DIPK1B: variants seen among roughly 807,000 people sequenced by gnomAD.
DIPK1B encodes the protein divergent protein kinase domain 1B.
In DIPK1B, 17 loss-of-function variants were observed where a neutral mutation model predicts 20.7. The observed-to-expected ratio is 0.82, with a 90% CI of 0.56 to 1.23. The LOEUF (loss-of-function observed/expected upper bound fraction) is 1.23. DIPK1B is among the 50% of genes most tolerant of loss of function. DIPK1B has a pLI of 0.00. For synonymous variants in DIPK1B, 343 were observed against 276.5 expected, an observed-to-expected ratio of 1.24 and a Z score of -2.39; for missense variants, 648 against 601.8, an observed-to-expected ratio of 1.08 and a Z score of -0.80.
chr9:136,717,518 G>T, intron 1 of DIPK1B, 59 bp from the exon 2 acceptor site: 1 of 1,565,066 alleles, frequency 6.4e-7, no homozygotes, highest in African/African-American at 1.3e-5. Context: ...GTGGGGTTGA[G>T]AGCACCCTGA....
At chr9:136,721,503 TA>T in intron 2 of DIPK1B, 1 of 187,944 alleles carries the variant, frequency 5.3e-6, no homozygotes, top group Non-Finnish European at 1.1e-5. Flanking sequence ...GTGTAGATAT[TA>T]GGGACTAGTG....
chr9:136,721,600 C>T (rs1846602273), intron 2 of DIPK1B: 3 of 326,260 alleles, frequency 9.2e-6, no homozygotes, highest in South Asian at 7.3e-5. Context: ...CTGCCTCTGG[C>T]CCTGGCGTGG....
rs773581565 is a variant in DIPK1B, at chr9:136,723,152, G to A, written c.674G>A (p.Cys225Tyr). 8.7e-6 allele frequency: 14 copies of A among 1,613,416 alleles called. No homozygotes were observed. Among genetic ancestry groups the A allele is most frequent in the East Asian group, 2.2e-5 (1 of 44,872 alleles). ...KEHASRLLGY[C>Y]GDLYLTEGVP... ...CACGCCTCCAGACTGCTGGGCTACT[G>A]TGGGGACCTCTACCTCACCGAGGGC... Residue 225 changes from cysteine (C) to tyrosine (Y), a missense_variant, in exon 5 of 5, where the codon TGT (cysteine) becomes TAT (tyrosine). Cys to Tyr is a radical substitution (Grantham distance 194, BLOSUM62 -2). Transcript: ENST00000371692.
At position 136,721,831 on chromosome 9, in the gene DIPK1B, G is replaced by A. The variant is rs1473793462; in HGVS notation, c.199-90G>A. Reference sequence around the variant, plus strand: ...CAGCTTTCCAACTGCAGCAAGTGGAGGCCCCTGCCAGCTTCGGGCCTGTGG... The same window carrying A: ...CAGCTTTCCAACTGCAGCAAGTGGAAGCCCCTGCCAGCTTCGGGCCTGTGG... On this transcript the variant is annotated intron_variant, in intron 2 of 4. Transcript: ENST00000371692. The A allele has an allele frequency of 7.8e-6, 9 of 1,154,384 alleles. No homozygotes were observed. In the East Asian group the frequency reaches 2.2e-4, roughly 28 times the overall value. 71.5% of individuals were successfully genotyped at this position (1,154,384 alleles called of 1,614,324 possible). A position where few individuals can be genotyped will look rare whatever the true frequency, so the allele number is the denominator to read the frequency against.
intron 1 of DIPK1B, among the ~76,000 whole-genome samples, chr9:136,715,968 C>T (rs1049159203): frequency 1.3e-5 from 2 of 152,210 alleles, no homozygotes; most frequent in Admixed American, 6.5e-5. Context: ...CTCCCAGTCC[C>T]TTCCCAGCCC....
rs796829804 is a variant in DIPK1B, at chr9:136,718,701, T to G, written c.198+990T>G. Among the ~76,000 whole-genome samples, 9 of 152,328 alleles carry G rather than the reference T, an allele frequency of 5.9e-5. No homozygotes were observed. The South Asian group carries it at 1.0e-3, about 18-fold the overall frequency. ...CCACTGTGGGTTGTCATAGGGTGAT[T>G]GGGTGCAGGGAGACCCCAGGTTCGG... On this transcript the variant is annotated intron_variant, in intron 2 of 4. Transcript: ENST00000371692.
intron 1 of DIPK1B, among the ~76,000 whole-genome samples, chr9:136,715,398 G>A (rs571263721): frequency 1.3e-5 from 2 of 152,320 alleles, no homozygotes; most frequent in South Asian, 2.1e-4. Context: ...TCCTCAGGCC[G>A]GTAGGGAAAC....
In DIPK1B at chr9:136,712,658, A is replaced by G. The variant is rs1846441032; in HGVS notation, c.-8A>G. ...GCGGGGCCCGCGCAGCCCCGGCCGG[A>G]GCCCACCATGCGGCGGCTGCGGCGC... On this transcript the variant is annotated 5_prime_UTR_variant, in exon 1 of 5. Coordinates refer to ENST00000371692, the MANE Select transcript of DIPK1B (RefSeq NM_152421.4). This position sits in a 1 kb window ranked among gnomAD's most constrained non-coding sequence, Gnocchi z 5.6. 2 of 1,263,648 alleles carry G rather than the reference A, an allele frequency of 1.6e-6. No homozygotes were observed. Among genetic ancestry groups the G allele is most frequent in the Non-Finnish European group, 2.0e-6 (2 of 1,003,666 alleles). The allele number at this position is 1,263,648 out of a possible 1,614,324, so 78.3% of individuals were successfully genotyped here. A position where few individuals can be genotyped will look rare whatever the true frequency, so the allele number is the denominator to read the frequency against.
At chr9:136,715,828 C>T (rs192050912) in intron 1 of DIPK1B, among the ~76,000 whole-genome samples, 60 of 152,150 alleles carry the variant, frequency 3.9e-4, no homozygotes, top group Admixed American at 1.1e-3. Context: ...TTTTTAACTG[C>T]GGTAAGATAC....
rs753132003 is a variant in DIPK1B at position 136,723,555 on chromosome 9, C to T, written c.1077C>T (p.Gly359=). The change falls in exon 5 of 5, where the codon GGC becomes GGT. Residue 359 remains glycine, a synonymous_variant. Coordinates refer to ENST00000371692, the MANE Select transcript of DIPK1B (RefSeq NM_152421.4). ...ACAGGCTCATGAGGCAGTGCAAGGG[C>T]GACCTCATCCAGCCCAACCTGGCCA... ...PCDRLMRQCK[G]DLIQPNLAKV... The T allele has an allele frequency of 1.1e-5, 17 of 1,597,370 alleles. No individual in the cohort carries two copies. Among genetic ancestry groups the T allele is most frequent in the Non-Finnish European group, 1.1e-5 (13 of 1,172,508 alleles).
chr9:136,722,252 G>A lies in DIPK1B; in HGVS notation c.434G>A (p.Arg145Gln), dbSNP rs758846037. The change falls in exon 4 of 5, where the codon CGG (arginine) becomes CAG (glutamine). Residue 145 changes from arginine (R) to glutamine (Q), a missense_variant. Coordinates refer to ENST00000371692, the MANE Select transcript of DIPK1B (RefSeq NM_152421.4). ...CTGGTACTGTTTGACAAGCCCACCCGGGGCACCTCCATCAAGGAATTCCGG... is the reference window on the plus strand; with the variant it reads ...CTGGTACTGTTTGACAAGCCCACCCAGGGCACCTCCATCAAGGAATTCCGG... ...RELVLFDKPT[R>Q]GTSIKEFREM... 1.7e-5 allele frequency: 27 copies of A among 1,613,712 alleles called. No homozygotes were observed. Among genetic ancestry groups the A allele is most frequent in the Middle Eastern group, 1.6e-4 (1 of 6,082 alleles).
chr9:136,722,389 C>T (rs1846621519), intron 4 of DIPK1B, 88 bp downstream of exon 4: 1 of 1,405,466 alleles, frequency 7.1e-7, no homozygotes. Flanking sequence ...ATGCCCAGCG[C>T]AAAGGCACAG....
At chr9:136,717,203 T>G (rs902486442) in intron 1 of DIPK1B, among the ~76,000 whole-genome samples, 4 of 150,648 alleles carry the variant, frequency 2.7e-5, no homozygotes, top group Non-Finnish European at 1.5e-5. Context: ...CACTCCAGCC[T>G]GGGCTACAGA....
chr9:136,715,058 G>A (rs916745846), intron 1 of DIPK1B, among the ~76,000 whole-genome samples: 10 of 152,262 alleles, frequency 6.6e-5, no homozygotes, highest in Admixed American at 3.9e-4. Context: ...GCAGGTGGGG[G>A]TGTGGCCAGG....
rs2131050681 is a variant in DIPK1B, at chr9:136,724,119, C to A, written c.*345C>A. 1 of 297,154 alleles carries A rather than the reference C, an allele frequency of 3.4e-6. No individual in the cohort carries two copies. The highest frequency in any genetic ancestry group is 1.0e-4 in the East Asian group (1 of 9,578). 18.4% of individuals were successfully genotyped at this position (297,154 alleles called of 1,614,324 possible). On this transcript the variant is annotated 3_prime_UTR_variant, in exon 5 of 5. Coordinates refer to ENST00000371692, the MANE Select transcript of DIPK1B (RefSeq NM_152421.4). ...CCGCTGTGGATCCACCCAGCCCAGG[C>A]ACTCAGGCTGGGGTTGAGCCCCTGA...
chr9:136,722,232 A>G lies in DIPK1B; in HGVS notation c.414A>G (p.Val138=). 1 of 1,613,920 alleles carries G rather than the reference A, an allele frequency of 6.2e-7. No individual in the cohort carries two copies. The highest frequency in any genetic ancestry group is 8.5e-7 in the Non-Finnish European group (1 of 1,179,974). ...RSDAAPRREL[V]LFDKPTRGTS... is the part of the protein sequence containing the mutation. ...ATGCGGCCCCCCGGCGGGAGCTGGT[A>G]CTGTTTGACAAGCCCACCCGGGGCA... Residue 138 remains valine (V), a synonymous_variant, in exon 4 of 5, where the codon GTA becomes GTG. Coordinates refer to ENST00000371692, the MANE Select transcript of DIPK1B (RefSeq NM_152421.4).
chr9:136,719,869 C>A (rs1311145953), intron 2 of DIPK1B, among the ~76,000 whole-genome samples: 1 of 151,490 alleles, frequency 6.6e-6, no homozygotes, highest in South Asian at 2.1e-4. Flanking sequence ...AGGGGCTGGT[C>A]TGGGGCTCCG....
At chr9:136,713,660 A>C (rs1846457354) in intron 1 of DIPK1B, among the ~76,000 whole-genome samples, 1 of 152,194 alleles carries the variant, frequency 6.6e-6, no homozygotes, top group African/African-American at 2.4e-5. Flanking sequence ...GGTGGGGTGC[A>C]CAGTGGTCCC....
chr9:136,720,923 T>TGGGCC (rs1265263287), intron 2 of DIPK1B: 1 of 152,170 alleles, frequency 6.6e-6, no homozygotes, highest in African/African-American at 2.4e-5. Context: ...TGGGGAAGGC[T>TGGGCC]GGGCCGGGCC....
Sources: gnomAD v4.1 joint callset for allele counts (sites outside exome capture counted in the v4.1 genomes callset) on GRCh38, gnomAD v4.1.1 for gene constraint, Gnocchi (gnomAD v3.1) non-coding constraint, MANE v1.5 for transcripts, NCBI Gene and HGNC (gene_info 2026-07-23, HGNC 2026-07-21) for gene names.